C2orf74: variants seen among roughly 807,000 people sequenced by gnomAD.
C2orf74 encodes the protein DPM1 ER membrane anchor 1.
C2orf74 carries 14 observed loss-of-function variants against 17.9 expected under a neutral mutation model. That is an observed-to-expected ratio of 0.78 (90% CI 0.52 to 1.22). The LOEUF (loss-of-function observed/expected upper bound fraction) is 1.22, where lower values mean the gene tolerates loss of function less well. C2orf74 is among the 50% of genes most tolerant of loss of function. The probability of loss-of-function intolerance (pLI) is 0.00; values close to 1 mark genes in which losing one functional copy is unlikely to be tolerated. For missense variants in C2orf74, 217 were observed against 218.4 expected (o/e 0.99, Z 0.04); for synonymous variants, 79 against 72.6 (o/e 1.09, Z -0.44).
chr2:61,157,839 C>T (rs1386246086), upstream of C2orf74: 4 of 469,260 alleles, frequency 8.5e-6, no homozygotes, highest in Non-Finnish European at 8.9e-6. Flanking sequence ...TCCTGTAATT[C>T]CTGGATCATG....
upstream of C2orf74, among the ~76,000 whole-genome samples, chr2:61,158,979 TGTTGTTTGTTTGTTTG>T (rs1685480257): frequency 8.0e-6 from 1 of 124,822 alleles, no homozygotes. Context: ...AGTTTTTTTT[TGTTGTTTGTTTGTTTG>T]TTTGTTTGTT....
intron 1 of C2orf74, among the ~76,000 whole-genome samples, chr2:61,155,166 C>T (rs1178158208): frequency 6.6e-6 from 1 of 152,168 alleles, no homozygotes; most frequent in African/African-American, 2.4e-5. Flanking sequence ...ATTTGTGATT[C>T]AGGGGTTTCT....
chr2:61,163,023 G>A (rs1323684064), intron 3 of C2orf74, 29 bp from the exon 4 acceptor site: 1 of 1,552,136 alleles, frequency 6.4e-7, no homozygotes, highest in African/African-American at 1.4e-5. Context: ...ATGCATGAAT[G>A]TTTAAAACTC....
chr2:61,150,671 A>C (rs1010284246), intron 1 of C2orf74, among the ~76,000 whole-genome samples: 3 of 152,206 alleles, frequency 2.0e-5, no homozygotes, highest in African/African-American at 7.2e-5. Context: ...GAGGCGCTGC[A>C]CACCACATAG....
intron 1 of C2orf74, among the ~76,000 whole-genome samples, chr2:61,152,406 T>G (rs1685256133): frequency 6.6e-6 from 1 of 151,274 alleles, no homozygotes; most frequent in African/African-American, 2.4e-5. Flanking sequence ...CCAGGCGTGG[T>G]GGTGGGCACC....
upstream of C2orf74, among the ~76,000 whole-genome samples, chr2:61,159,104 C>T (rs986096983): frequency 6.6e-6 from 1 of 152,080 alleles, no homozygotes; most frequent in East Asian, 1.9e-4. Context: ...TCAAGCAGTT[C>T]TCCTGCCTCA....
chr2:61,160,129 C>T (rs923750456), upstream of C2orf74, among the ~76,000 whole-genome samples: 3 of 151,484 alleles, frequency 2.0e-5, no homozygotes, highest in African/African-American at 7.3e-5. Flanking sequence ...CTTCAAAATT[C>T]TTCCAAGTTG....
At chr2:61,154,554 T>G (rs1025379808) in intron 1 of C2orf74, among the ~76,000 whole-genome samples, 2 of 152,204 alleles carry the variant, frequency 1.3e-5, no homozygotes, top group Admixed American at 1.3e-4. Flanking sequence ...TTTAAGATAT[T>G]AATAATAGGG....
At chr2:61,154,410 A>G (rs1448137995) in intron 1 of C2orf74, among the ~76,000 whole-genome samples, 3 of 152,186 alleles carry the variant, frequency 2.0e-5, no homozygotes, top group Non-Finnish European at 2.9e-5. Flanking sequence ...ATTGTAATAT[A>G]GTGTCCTGAA....
At chr2:61,154,154 A>T (rs1685324678) in intron 1 of C2orf74, among the ~76,000 whole-genome samples, 1 of 151,828 alleles carries the variant, frequency 6.6e-6, no homozygotes, top group Non-Finnish European at 1.5e-5. Context: ...GAATCGCTTG[A>T]ACCTGGGAGG....
chr2:61,158,787 G>T (rs1445690249), upstream of C2orf74, among the ~76,000 whole-genome samples: 1 of 152,154 alleles, frequency 6.6e-6, no homozygotes, highest in Non-Finnish European at 1.5e-5. Flanking sequence ...TTCCTTGCCT[G>T]AAGGTCAGTT....
chr2:61,162,902 T>G lies in C2orf74; in HGVS notation c.156T>G (p.Gly52=), dbSNP rs1001098845. 33 of 1,552,050 alleles carry G rather than the reference T, an allele frequency of 2.1e-5. No homozygotes were observed. The African/African-American group carries it at 4.4e-4, about 21-fold the overall frequency. Reference sequence around the variant, plus strand: ...TGCCTTGTACAGATGCAAACGGAGGTGTAGACTGTGCAGCTGCCAAAGTGG... The same window carrying G: ...TGCCTTGTACAGATGCAAACGGAGGGGTAGACTGTGCAGCTGCCAAAGTGG... ...KKVPCTDANG[G]VDCAAAKVVT... The change falls in exon 3 of 5, where the codon GGT becomes GGG. Residue 52 remains glycine (G), a synonymous_variant. Coordinates refer to ENST00000432605, the MANE Select transcript of C2orf74 (RefSeq NM_001143959.4).
chr2:61,153,314 T>C (rs1325465794), intron 1 of C2orf74, among the ~76,000 whole-genome samples: 1 of 152,046 alleles, frequency 6.6e-6, no homozygotes, highest in South Asian at 2.1e-4. Flanking sequence ...GGAGTCTCGC[T>C]CAGTCACCCA....
At chr2:61,160,514 T>C (rs1467811603), upstream of C2orf74, among the ~76,000 whole-genome samples, 4 of 140,772 alleles carry the variant, frequency 2.8e-5, no homozygotes, top group Admixed American at 2.1e-4. Flanking sequence ...TATATACCAC[T>C]TTTTTTTTTT....
At chr2:61,145,222 T>C (rs1478531812) in intron 1 of C2orf74, 1 of 152,292 alleles carries the variant, frequency 6.6e-6, no homozygotes, top group African/African-American at 2.4e-5. Flanking sequence ...AACAGGAGTT[T>C]TAGCGTCATC....
At chr2:61,152,882 G>A (rs1179599559) in intron 1 of C2orf74, among the ~76,000 whole-genome samples, 2 of 148,878 alleles carry the variant, frequency 1.3e-5, no homozygotes, top group Non-Finnish European at 3.0e-5. Flanking sequence ...CCAGGCGCGC[G>A]CGGTGGCTCG....
chr2:61,146,779 C>T (rs1029019468), intron 1 of C2orf74, among the ~76,000 whole-genome samples: 4 of 151,704 alleles, frequency 2.6e-5, no homozygotes, highest in Admixed American at 6.6e-5. Flanking sequence ...TCGGAGGTTG[C>T]AGTGAGCCGA....
upstream of C2orf74, chr2:61,157,852 T>G (rs748632436): frequency 3.4e-4 from 161 of 470,028 alleles, no homozygotes; most frequent in Middle Eastern, 1.7e-3. Flanking sequence ...GGATCATGTT[T>G]TTGTCACAGG....
In C2orf74 at chr2:61,163,148, C is replaced by T; in HGVS notation, c.306C>T (p.Asn102=). The change falls in exon 4 of 5, where the codon AAC becomes AAT. Residue 102 remains asparagine, a synonymous_variant. Coordinates refer to ENST00000432605, the MANE Select transcript of C2orf74 (RefSeq NM_001143959.4). ...AAGTGTTGGCCACACCCTTAGAAAACAGAAGGGACATGGAGGCAGAAGAGG... is the reference window on the plus strand; with the variant it reads ...AAGTGTTGGCCACACCCTTAGAAAATAGAAGGGACATGGAGGCAGAAGAGG... ...SKEVLATPLE[N]RRDMEAEEEN... is the part of the protein sequence containing the mutation. 1.3e-6 allele frequency: 2 copies of T among 1,552,234 alleles called. No individual in the cohort carries two copies. The highest frequency in any genetic ancestry group is 1.7e-6 in the Non-Finnish European group (2 of 1,147,084).
Sources: gnomAD v4.1 joint callset for allele counts (sites outside exome capture counted in the v4.1 genomes callset) on GRCh38, gnomAD v4.1.1 for gene constraint, MANE v1.5 for transcripts, NCBI Gene and HGNC (gene_info 2026-07-23, HGNC 2026-07-21) for gene names.